MTRF1: variants seen among roughly 807,000 people sequenced by gnomAD.
MTRF1 encodes mitochondrial translation release factor 1.
In MTRF1, 51 loss-of-function variants were observed where a neutral mutation model predicts 62.9. The observed-to-expected ratio is 0.81, with a 90% CI of 0.65 to 1.02. MTRF1 has a LOEUF of 1.02. Among genes scored for constraint, MTRF1 ranks in the 50% least tolerant of loss-of-function variants. MTRF1 has a pLI of 0.00. For synonymous variants in MTRF1, 158 were observed against 181.9 expected (o/e 0.87, Z 1.06); for missense variants, 446 against 530.0 (o/e 0.84, Z 1.56).
the MTRF1 span, chr13:41,311,574 CG>C: frequency 6.2e-7 from 1 of 1,608,258 alleles, no homozygotes; most frequent in South Asian, 1.1e-5. Context: ...CCTCTTCAAA[CG>C]CATCTTGGTG....
the MTRF1 span, among the ~76,000 whole-genome samples, chr13:41,288,940 A>G: frequency 1.4e-3 from 218 of 152,246 alleles, no homozygotes; most frequent in African/African-American, 5.0e-3. Context: ...GAAGATAGGG[A>G]GCATAGTGGC....
At chr13:41,304,162 G>A in the MTRF1 span, among the ~76,000 whole-genome samples, 1 of 152,338 alleles carries the variant, frequency 6.6e-6, no homozygotes, top group Non-Finnish European at 1.5e-5. Flanking sequence ...AATTCATGAA[G>A]GAGAGGGTGG....
the MTRF1 span, among the ~76,000 whole-genome samples, chr13:41,296,611 T>A: frequency 6.6e-6 from 1 of 152,156 alleles, no homozygotes; most frequent in African/African-American, 2.4e-5. Context: ...TCAGTTACAT[T>A]TATGGGTATG....
chr13:41,260,309 G>A (rs2040296773), intron 2 of MTRF1, among the ~76,000 whole-genome samples, 184 bp downstream of exon 2: 2 of 151,856 alleles, frequency 1.3e-5, no homozygotes, highest in Non-Finnish European at 2.9e-5. Context: ...AGCTACGATT[G>A]AGTCACTGCA....
rs113122254 is a variant in MTRF1 at position 41,249,627 on chromosome 13, T to C, written c.697+3018A>G. 1.2e-3 allele frequency among the ~76,000 whole-genome samples: 124 copies of C among 104,638 alleles called. 2 individuals carry two copies. The highest frequency in any genetic ancestry group is 4.1e-3 in the South Asian group (11 of 2,702). 68.6% of individuals were successfully genotyped at this position (104,638 alleles called of 152,430 possible). ...GTCTTTGATTTTTTTTTCTTTTTTT[T>C]TTTTTTTTTTTTTTTTTGGAGATGG... On this transcript the variant is annotated intron_variant, in intron 5 of 9. Transcript: ENST00000379480.
chr13:41,278,066 T>C, the MTRF1 span, among the ~76,000 whole-genome samples: 2 of 152,372 alleles, frequency 1.3e-5, no homozygotes, highest in Non-Finnish European at 2.9e-5. Context: ...TCCAGTTCAT[T>C]ATATTGGTGA....
the MTRF1 span, among the ~76,000 whole-genome samples, chr13:41,296,651 A>G: frequency 1.3e-5 from 2 of 152,164 alleles, no homozygotes; most frequent in African/African-American, 4.8e-5. Context: ...AAATCATACA[A>G]ATTAATAAAA....
chr13:41,220,680 G>T lies in MTRF1; in HGVS notation c.1224+2576C>A, dbSNP rs991918651. ...ATAAATGTAGGGACTCATATCATCA[G>T]GGTTCTTTCTGTCTATTTCTCATTT... On this transcript the variant is annotated intron_variant, in intron 9 of 9. Transcript: ENST00000379480. 24 of 992,904 alleles carry T rather than the reference G, an allele frequency of 2.4e-5. No homozygotes were observed. The African/African-American group carries it at 3.9e-4, about 16-fold the overall frequency. The allele number at this position is 992,904 out of a possible 1,614,324, so 61.5% of individuals were successfully genotyped here. A position where few individuals can be genotyped will look rare whatever the true frequency, so the allele number is the denominator to read the frequency against.
chr13:41,241,447 C>T (rs574988552), intron 5 of MTRF1, among the ~76,000 whole-genome samples: 111 of 152,310 alleles, frequency 7.3e-4, no homozygotes, highest in African/African-American at 2.5e-3. Flanking sequence ...GAGTCCACCA[C>T]TCAGGTCAAG....
chr13:41,275,168 T>C, the MTRF1 span, among the ~76,000 whole-genome samples: 1 of 152,328 alleles, frequency 6.6e-6, no homozygotes, highest in East Asian at 1.9e-4. Flanking sequence ...ATTCAGACAA[T>C]TCTGATGTTA....
intron 5 of MTRF1, among the ~76,000 whole-genome samples, chr13:41,244,681 C>T (rs1170278841): frequency 2.0e-5 from 3 of 152,144 alleles, no homozygotes; most frequent in African/African-American, 7.2e-5. Context: ...AGAAACAGGT[C>T]GCTATGTTGG....
chr13:41,282,371 T>C, the MTRF1 span, among the ~76,000 whole-genome samples: 1 of 151,892 alleles, frequency 6.6e-6, no homozygotes, highest in East Asian at 2.0e-4. Flanking sequence ...GCAGGAGGAT[T>C]GCTTGAGCCT....
chr13:41,247,167 C>T (rs770302417), intron 5 of MTRF1, among the ~76,000 whole-genome samples: 9 of 152,168 alleles, frequency 5.9e-5, no homozygotes, highest in South Asian at 2.1e-4. Flanking sequence ...ATGCAGCTGT[C>T]GAGAGGTATC....
At chr13:41,291,739 A>G in the MTRF1 span, among the ~76,000 whole-genome samples, 19 of 152,312 alleles carry the variant, frequency 1.2e-4, no homozygotes, top group South Asian at 3.9e-3. Context: ...CAGAACAAGA[A>G]TAAAACTACT....
At chr13:41,311,462 C>T in the MTRF1 span, 12 of 1,488,198 alleles carry the variant, frequency 8.1e-6, no homozygotes, top group Non-Finnish European at 1.0e-5. Flanking sequence ...CGGTGCCCAC[C>T]CCCGCGAAGC....
chr13:41,311,430 G>C, the MTRF1 span: 1 of 1,178,770 alleles, frequency 8.5e-7, no homozygotes, highest in Non-Finnish European at 1.2e-6. Context: ...CCCGCAGCCC[G>C]ACTCTCAGCA....
the MTRF1 span, among the ~76,000 whole-genome samples, chr13:41,276,382 G>C: frequency 5.9e-5 from 9 of 152,000 alleles, no homozygotes; most frequent in Admixed American, 5.9e-4. Context: ...ATGTTGGCCA[G>C]GCTGGTCTTG....
chr13:41,260,735 G>A lies in MTRF1; in HGVS notation c.173C>T (p.Ser58Phe). The change falls in exon 2 of 10, where the codon TCC becomes TTC. Residue 58 changes from serine (S) to phenylalanine (F), a missense_variant. By Grantham distance (155) the Ser-to-Phe change is radical (BLOSUM62 -2). Transcript: ENST00000379480. ...GGTGTCTTGATGGCAATATCTCCTGGACCAATTCTTACTTAACAGATGAAG... is the reference window on the plus strand; with the variant it reads ...GGTGTCTTGATGGCAATATCTCCTGAACCAATTCTTACTTAACAGATGAAG... ...CILHLLSKNW[S>F]RRYCHQDTKM... 1 of 1,614,060 alleles carries A rather than the reference G, an allele frequency of 6.2e-7. No homozygotes were observed. Among genetic ancestry groups the A allele is most frequent in the Admixed American group, 1.7e-5 (1 of 60,002 alleles).
intron 8 of MTRF1, among the ~76,000 whole-genome samples, chr13:41,224,497 C>T (rs2033998151): frequency 1.3e-5 from 2 of 152,180 alleles, no homozygotes; most frequent in South Asian, 4.1e-4. Flanking sequence ...GATTCCTAAG[C>T]CCAACCTCAG....
Sources: allele counts gnomAD v4.1 joint callset (sites outside exome capture counted in the v4.1 genomes callset), GRCh38; gene constraint gnomAD v4.1.1; transcripts MANE v1.5; gene names NCBI Gene and HGNC (gene_info 2026-07-23, HGNC 2026-07-21).